The following ADCY10 variants were observed in gnomAD, a reference collection of about 807,000 sequenced individuals.
ADCY10 encodes the protein adenylate cyclase 10, also known as adenylate cyclase type 10.
Under a neutral mutation model 183.3 loss-of-function variants are expected in ADCY10, and 156 were observed. That is an observed-to-expected ratio of 0.85 (90% CI 0.75 to 0.97). The LOEUF (loss-of-function observed/expected upper bound fraction) is 0.97. ADCY10 is among the 50% of genes least tolerant of loss of function. The probability of loss-of-function intolerance (pLI) is 0.00; values close to 1 mark genes in which losing one functional copy is unlikely to be tolerated. For synonymous variants in ADCY10, 645 were observed against 670.0 expected, an observed-to-expected ratio of 0.96 and a Z score of 0.58; for missense variants, 1,745 against 1,934.3, an observed-to-expected ratio of 0.90 and a Z score of 1.84.
Position 167,822,093 on chromosome 1 carries a change from TA to T in ADCY10, c.4216del (p.Tyr1406ThrfsTer21). On this transcript the variant is annotated frameshift_variant, in exon 30 of 33. Coordinates refer to ENST00000367851, the MANE Select transcript of ADCY10 (RefSeq NM_018417.6). LOFTEE classifies it high-confidence loss of function. ...GAACTTGAGGATTCTGTTGTTTTCG[TA>T]TTGGTGTATGAATTCCAAACATTCT... ...FEECLEFIHQ[Y>X]ENNRILKFHS... 1 of 1,610,598 alleles carries T rather than the reference TA, an allele frequency of 6.2e-7. No individual in the cohort carries two copies. The highest frequency in any genetic ancestry group is 8.5e-7 in the Non-Finnish European group (1 of 1,176,682).
At chr1:167,874,994 C>T in intron 13 of ADCY10, 137 bp downstream of exon 13, 2 of 818,436 alleles carry the variant, frequency 2.4e-6, no homozygotes, top group Middle Eastern at 2.6e-4. Flanking sequence ...TGCTATTTTT[C>T]TATTTCTTAA....
rs535006366 is a variant in ADCY10 at position 167,824,498 on chromosome 1, T to G, written c.4030A>C (p.Arg1344=). The G allele has an allele frequency of 1.4e-5, 22 of 1,614,180 alleles. No individual in the cohort carries two copies. Among genetic ancestry groups the G allele is most frequent in the African/African-American group, 1.3e-4 (10 of 75,058 alleles). Residue 1344 remains arginine, a synonymous_variant, in exon 28 of 33, where the codon AGA becomes CGA. Transcript: ENST00000367851. ...RHYQSLCRLS[R]CLLLNSRYPQ... The stretch of plus-strand genomic sequence containing the variant: ...TACCTGCTGTTCAGAAGGAGACATC[T>G]GCTAAGTCTGCAGAGGGACTGATAA...
At chr1:167,881,702 G>C (rs1667879868) in intron 9 of ADCY10, among the ~76,000 whole-genome samples, 1 of 152,162 alleles carries the variant, frequency 6.6e-6, no homozygotes, top group African/African-American at 2.4e-5. Context: ...AATCATTTGA[G>C]ACAAATACTA....
chr1:167,847,582 A>AT (rs919767693), intron 19 of ADCY10, among the ~76,000 whole-genome samples: 52 of 150,572 alleles, frequency 3.5e-4, no homozygotes, highest in African/African-American at 1.1e-3. Flanking sequence ...TGCCCGGCTA[A>AT]TTTTTTTTTG....
At chr1:167,836,851 C>T (rs1664242696) in intron 22 of ADCY10, among the ~76,000 whole-genome samples, 1 of 152,074 alleles carries the variant, frequency 6.6e-6, no homozygotes. Flanking sequence ...CGGTGAAATC[C>T]CGTCTCTACT....
intron 18 of ADCY10, 31 bp from the exon 19 acceptor site, chr1:167,848,520 A>G: frequency 6.2e-7 from 1 of 1,612,610 alleles, no homozygotes; most frequent in South Asian, 1.1e-5. Flanking sequence ...AGAAAAGTTG[A>G]GTCATTATCC....
At chr1:167,847,073 C>T (rs933342028) in intron 19 of ADCY10, among the ~76,000 whole-genome samples, 2 of 151,608 alleles carry the variant, frequency 1.3e-5, no homozygotes, top group African/African-American at 2.4e-5. Flanking sequence ...TTATAGGCAC[C>T]CACCACCATG....
intron 23 of ADCY10, 44 bp from the exon 24 acceptor site, chr1:167,834,121 A>T: frequency 5.3e-6 from 8 of 1,497,814 alleles, no homozygotes; most frequent in Non-Finnish European, 7.4e-6. Context: ...TTCAGCAGGG[A>T]TTGAGCCCAC....
At chr1:167,874,438 A>T (rs1571367706) in intron 13 of ADCY10, among the ~76,000 whole-genome samples, 1 of 152,248 alleles carries the variant, frequency 6.6e-6, no homozygotes, top group South Asian at 2.1e-4. Flanking sequence ...ATACCACTAT[A>T]CACCCAACAG....
chr1:167,862,622 C>T lies in ADCY10; in HGVS notation c.1617-1559G>A, dbSNP rs79341809. ...TTACAGAGGCCCCGGCTAGTGAATA[C>T]AGCACTTAGTAGTTCCTGAACATAG... On this transcript the variant is annotated intron_variant, in intron 14 of 32. Coordinates refer to ENST00000367851, the MANE Select transcript of ADCY10 (RefSeq NM_018417.6). Among the ~76,000 whole-genome samples, 222 of 152,314 alleles carry T rather than the reference C, an allele frequency of 1.5e-3. 3 individuals carry two copies. The East Asian group carries it at 0.037, about 25-fold the overall frequency.
At chr1:167,856,086 T>A (rs1665867808) in intron 17 of ADCY10, 79 bp downstream of exon 17, 1 of 1,507,714 alleles carries the variant, frequency 6.6e-7, no homozygotes, top group Non-Finnish European at 9.2e-7. Flanking sequence ...TCAAGACACA[T>A]ACTAAGAAAT....
intron 25 of ADCY10, 54 bp downstream of exon 25, chr1:167,832,933 G>C (rs1663862146): frequency 1.3e-6 from 2 of 1,576,246 alleles, no homozygotes; most frequent in African/African-American, 1.4e-5. Context: ...TTATGTGTAG[G>C]CCTCTCTGGG....
intron 9 of ADCY10, among the ~76,000 whole-genome samples, chr1:167,881,261 T>A (rs546924901): frequency 2.6e-5 from 4 of 152,228 alleles, no homozygotes; most frequent in African/African-American, 7.2e-5. Context: ...TTGGCATTTG[T>A]AGTATTAGTC....
At chr1:167,910,996 C>T (rs968911325) in intron 1 of ADCY10, among the ~76,000 whole-genome samples, 1 of 152,194 alleles carries the variant, frequency 6.6e-6, no homozygotes, top group African/African-American at 2.4e-5. Flanking sequence ...CTTGGCAATA[C>T]CACACTCTCC....
chr1:167,871,795 C>G (rs1347970531), intron 13 of ADCY10, among the ~76,000 whole-genome samples: 1 of 151,988 alleles, frequency 6.6e-6, no homozygotes, highest in African/African-American at 2.4e-5. Context: ...AACTACTTAG[C>G]AGACTGTATT....
chr1:167,911,738 G>A (rs191687552), intron 1 of ADCY10, among the ~76,000 whole-genome samples: 1 of 152,312 alleles, frequency 6.6e-6, no homozygotes, highest in East Asian at 1.9e-4. Context: ...TTATGTTCAA[G>A]TGCTATTTCT....
intron 3 of ADCY10, among the ~76,000 whole-genome samples, 180 bp downstream of exon 3, chr1:167,903,707 G>T (rs572970003): frequency 9.2e-4 from 140 of 152,252 alleles, no homozygotes; most frequent in Non-Finnish European, 1.4e-3. Flanking sequence ...AGTGAGGTTT[G>T]ATTATATTTA....
chr1:167,867,670 TA>T (rs1558208998), intron 14 of ADCY10, among the ~76,000 whole-genome samples: 1 of 151,818 alleles, frequency 6.6e-6, no homozygotes, highest in African/African-American at 2.4e-5. Flanking sequence ...AGTAAAGTAA[TA>T]GCTAAGACAG....
intron 14 of ADCY10, among the ~76,000 whole-genome samples, chr1:167,868,585 G>C (rs1282968040): frequency 6.6e-6 from 1 of 151,848 alleles, no homozygotes; most frequent in Non-Finnish European, 1.5e-5. Context: ...GGCTATACTG[G>C]ATACGTGGAC....
Sources: gnomAD v4.1 joint callset for allele counts (sites outside exome capture counted in the v4.1 genomes callset) on GRCh38, gnomAD v4.1.1 for gene constraint, MANE v1.5 for transcripts, NCBI Gene and HGNC (gene_info 2026-07-23, HGNC 2026-07-21) for gene names.